Variants in FAT2 observed in about 807,000 individuals in gnomAD.
FAT2 encodes the protein FAT atypical cadherin 2, also known as protocadherin Fat 2.
Under a neutral mutation model 295.3 loss-of-function variants are expected in FAT2, and 150 were observed. The observed-to-expected ratio is 0.51, with a 90% CI of 0.44 to 0.58. FAT2 has a LOEUF of 0.58. Among genes scored for constraint, FAT2 ranks in the 20% least tolerant of loss-of-function variants. FAT2 has a pLI of 0.00. For missense variants in FAT2, 4,868 were observed against 5,442.7 expected (o/e 0.89, Z 3.32); for synonymous variants, 2,026 against 2,150.3 (o/e 0.94, Z 1.60).
rs531409644 is a variant in FAT2 at position 151,505,323 on chromosome 5, T to C, written c.*242A>G. The C allele has an allele frequency of 1.1e-3, 597 of 567,778 alleles. No homozygotes were observed. Among genetic ancestry groups the C allele is most frequent in the Non-Finnish European group, 1.5e-3 (495 of 325,782 alleles). 35.2% of individuals were successfully genotyped at this position (567,778 alleles called of 1,614,324 possible). A position where few individuals can be genotyped will look rare whatever the true frequency, so the allele number is the denominator to read the frequency against. On this transcript the variant is annotated 3_prime_UTR_variant, in exon 24 of 24. Coordinates refer to ENST00000261800, the MANE Select transcript of FAT2 (RefSeq NM_001447.3). ...ATTGTTCCTGGTTTTCCAGGGTCAC[T>C]GCTCTAGAAATGCCCCTCTCCTGGG...
chr5:151,582,866 A>G (rs1759013632), intron 1 of FAT2, among the ~76,000 whole-genome samples: 1 of 151,886 alleles, frequency 6.6e-6, no homozygotes, highest in African/African-American at 2.4e-5. Context: ...TGGTGGGGGG[A>G]ACACTGGCCC....
chr5:151,577,547 A>G (rs78479124), intron 1 of FAT2, among the ~76,000 whole-genome samples: 30 of 152,192 alleles, frequency 2.0e-4, no homozygotes, highest in East Asian at 1.7e-3. Flanking sequence ...GGCAAGGGGT[A>G]GAGCATGGAG....
At chr5:151,530,082 T>C (rs1298483421) in intron 14 of FAT2, among the ~76,000 whole-genome samples, 1 of 152,138 alleles carries the variant, frequency 6.6e-6, no homozygotes, top group Non-Finnish European at 1.5e-5. Flanking sequence ...CAGCCCTTAA[T>C]GAAAAGGTAT....
At chr5:151,537,017 G>T (rs1755390055) in intron 12 of FAT2, among the ~76,000 whole-genome samples, 1 of 152,008 alleles carries the variant, frequency 6.6e-6, no homozygotes, top group South Asian at 2.1e-4. Context: ...CTTACCCCTG[G>T]CTAACACTTC....
chr5:151,587,290 CA>C (rs1759216718), intron 1 of FAT2, among the ~76,000 whole-genome samples: 1 of 152,186 alleles, frequency 6.6e-6, no homozygotes, highest in Admixed American at 6.5e-5. Context: ...ATATATGTGA[CA>C]TTTTTTTGAA....
intron 17 of FAT2, among the ~76,000 whole-genome samples, chr5:151,526,650 A>T (rs1754011002): frequency 6.6e-6 from 1 of 152,214 alleles, no homozygotes; most frequent in African/African-American, 2.4e-5. Context: ...TTCTCAGAAA[A>T]GATATTTTTA....
rs1224833309 is a variant in FAT2, at chr5:151,534,678, G to T, written c.9194-36C>A. 8.9e-6 allele frequency: 14 copies of T among 1,568,066 alleles called. No individual in the cohort carries two copies. In the Admixed American group the frequency reaches 1.3e-4, roughly 15 times the overall value. On this transcript the variant is annotated intron_variant, in intron 12 of 23. Transcript: ENST00000261800. The stretch of plus-strand genomic sequence containing the variant: ...AAATGACAAAAGTTGAGCTTTCTCT[G>T]GGGAAATATTACCCAAGCATGTGCC...
At chr5:151,508,709 C>CAAAA (rs577518222) in intron 22 of FAT2, among the ~76,000 whole-genome samples, 1,519 of 110,094 alleles carry the variant, frequency 0.014, 26 homozygotes, top group African/African-American at 0.047. Flanking sequence ...AACTCCTTCT[C>CAAAA]AAAAAAAAAA....
chr5:151,545,609 C>A lies in FAT2; in HGVS notation c.5518G>T (p.Val1840Phe), dbSNP rs762639703. 15 of 1,613,958 alleles carry A rather than the reference C, an allele frequency of 9.3e-6. No homozygotes were observed. Among genetic ancestry groups the A allele is most frequent in the African/African-American group, 1.3e-5 (1 of 74,898 alleles). The change falls in exon 10 of 24, where the codon GTC becomes TTC. Residue 1840 changes from valine to phenylalanine, a missense_variant. By Grantham distance (50) the Val-to-Phe change is conservative. Around this residue, in one of 5 missense-constraint regions of FAT2, gnomAD observed 3,297 missense variants for 3,669.4 expected, o/e 0.90. Coordinates refer to ENST00000261800, the MANE Select transcript of FAT2 (RefSeq NM_001447.3). ...GGGCTTCCTTGGTCATGGACATAGA[C>A]ACAGAATTGGAAAGAGGGCATGCTC... is the stretch of plus-strand genomic sequence containing the variant. ...YESMPSFQFC[V>F]YVHDQGSPVL...
At chr5:151,520,109 A>G (rs1306294664) in intron 19 of FAT2, among the ~76,000 whole-genome samples, 1 of 152,238 alleles carries the variant, frequency 6.6e-6, no homozygotes, top group African/African-American at 2.4e-5. Flanking sequence ...CCCAGCCTAA[A>G]TCGAGTGGTC....
chr5:151,508,004 A>G lies in FAT2; in HGVS notation c.12060-393T>C, dbSNP rs376748355. ...TGCCCAGTTATAGCAGCCAGGCACC[A>G]ATGTTCCCTGCTGTGCTTCACCAGG... On this transcript the variant is annotated intron_variant, in intron 22 of 23. Coordinates refer to ENST00000261800, the MANE Select transcript of FAT2 (RefSeq NM_001447.3). Among the ~76,000 whole-genome samples, 349 of 152,312 alleles carry G rather than the reference A, an allele frequency of 2.3e-3. 1 individual carries two copies. The highest frequency in any genetic ancestry group is 7.6e-3 in the African/African-American group (315 of 41,576).
Position 151,521,313 on chromosome 5 carries a change from G to A in FAT2, c.11280C>T (p.Thr3760=), listed in dbSNP as rs746356535. 21 of 1,612,970 alleles carry A rather than the reference G, an allele frequency of 1.3e-5. No individual in the cohort carries two copies. The highest frequency in any genetic ancestry group is 3.3e-5 in the Admixed American group (2 of 59,980). ...AGCTCCTCTGCAGGTGGTGCCGCGG[G>A]GTTAGGATGCTGAGCCTGGCGGTGC... ...TYSTARLSIL[T]PRHHLQRSCS... The change falls in exon 19 of 24, where the codon ACC becomes ACT. Residue 3760 remains threonine (T), a synonymous_variant. Transcript: ENST00000261800.
chr5:151,566,597 C>T lies in FAT2; in HGVS notation c.2335G>A (p.Asp779Asn), dbSNP rs200161645. Reference sequence around the variant, plus strand: ...ATGTAGAAATTGGTGGCTTCATAGTCCAAGGGAGCAGCTACAGTGAGCAGC... The same window carrying T: ...ATGTAGAAATTGGTGGCTTCATAGTTCAAGGGAGCAGCTACAGTGAGCAGC... ...TGLLTVAAPL[D>N]YEATNFYILN... The change falls in exon 2 of 24, where the codon GAC (aspartate) becomes AAC (asparagine). Residue 779 changes from aspartate (D) to asparagine (N), a missense_variant. Physicochemically the swap from Asp to Asn is conservative, Grantham distance 23. Coordinates refer to ENST00000261800, the MANE Select transcript of FAT2 (RefSeq NM_001447.3). 2 of 1,614,158 alleles carry T rather than the reference C, an allele frequency of 1.2e-6. No homozygotes were observed. Among genetic ancestry groups the T allele is most frequent in the Non-Finnish European group, 1.7e-6 (2 of 1,180,034 alleles).
In FAT2 at chr5:151,507,618, AG is replaced by A; in HGVS notation, c.12060-8del. 6.8e-7 allele frequency: 1 copy of A among 1,477,038 alleles called. No homozygotes were observed. The highest frequency in any genetic ancestry group is 2.7e-5 in the African/African-American group (1 of 37,102). 91.5% of individuals were successfully genotyped at this position (1,477,038 alleles called of 1,614,324 possible). A position where few individuals can be genotyped will look rare whatever the true frequency, so the allele number is the denominator to read the frequency against. On this transcript the variant is annotated splice_region_variant and splice_polypyrimidine_tract_variant and intron_variant, in intron 22 of 23. Transcript: ENST00000261800. ...CCTCGCCTCCATTTCACACCTGCGG[AG>A]ACAGAGTAGTCAGGGGGCCAAGTCA...
At position 151,530,270 on chromosome 5, in the gene FAT2, G is replaced by A. The variant is rs1289144950; in HGVS notation, c.9812-878C>T. Among the ~76,000 whole-genome samples, 4 of 147,976 alleles carry A rather than the reference G, an allele frequency of 2.7e-5. No homozygotes were observed. The East Asian group carries it at 5.9e-4, about 22-fold the overall frequency. On this transcript the variant is annotated intron_variant, in intron 14 of 23. Coordinates refer to ENST00000261800, the MANE Select transcript of FAT2 (RefSeq NM_001447.3). ...ACACCAGAAAAAAAAAAAAAAGCCAGTTAGCTCTTATGTGCGTCCAGACAT... is the reference window on the plus strand; with the variant it reads ...ACACCAGAAAAAAAAAAAAAAGCCAATTAGCTCTTATGTGCGTCCAGACAT...
rs1268611238 is a variant in FAT2, at chr5:151,507,324, T to C, written c.12347A>G (p.Gln4116Arg). ...AACAGAGGCCTTGCTGGGTTCCGGT[T>C]GGTTGAGGTTGTTGCAGGAGCTGGC... ...LSASSCNNLN[Q>R]PEPSKASVPN... The change falls in exon 23 of 24, where the codon CAA becomes CGA. Residue 4116 changes from glutamine (Q) to arginine (R), a missense_variant. By Grantham distance (43) the Gln-to-Arg change is conservative (BLOSUM62 1). Around this residue, in one of 5 missense-constraint regions of FAT2, gnomAD observed 492 missense variants for 482.6 expected, o/e 1.02. Coordinates refer to ENST00000261800, the MANE Select transcript of FAT2 (RefSeq NM_001447.3). 6.2e-7 allele frequency: 1 copy of C among 1,614,178 alleles called. No individual in the cohort carries two copies. Among genetic ancestry groups the C allele is most frequent in the African/African-American group, 1.3e-5 (1 of 75,044 alleles).
At chr5:151,537,338 GA>G (rs763914570) in intron 12 of FAT2, among the ~76,000 whole-genome samples, 63 of 100,024 alleles carry the variant, frequency 6.3e-4, no homozygotes, top group South Asian at 2.9e-3. Context: ...AGAAAGAAAA[GA>G]AAAGAAAAGA....
chr5:151,531,711 C>G lies in FAT2; in HGVS notation c.9687G>C (p.Glu3229Asp). The change falls in exon 14 of 24, where the codon GAG (glutamate) becomes GAC (aspartate). Residue 3229 changes from glutamate to aspartate, a missense_variant. Glu to Asp is a conservative substitution (Grantham distance 45). Transcript: ENST00000261800. This position sits in a 1 kb window ranked among gnomAD's most constrained non-coding sequence, Gnocchi z 5.7. ...LNTEHSVQVPEDAPPGTEVLQ... is the reference protein window; with the variant it reads ...LNTEHSVQVPDDAPPGTEVLQ... ...GCACCTCCGTGCCAGGTGGGGCGTC[C>G]TCGGGCACCTGCACGCTGTGCTCGG... is the stretch of plus-strand genomic sequence containing the variant. 6.2e-7 allele frequency: 1 copy of G among 1,613,936 alleles called. No homozygotes were observed. Among genetic ancestry groups the G allele is most frequent in the Non-Finnish European group, 8.5e-7 (1 of 1,179,952 alleles).
Position 151,529,105 on chromosome 5 carries a change from C to G in FAT2, c.10026+73G>C. 9 of 1,277,584 alleles carry G rather than the reference C, an allele frequency of 7.0e-6. No individual in the cohort carries two copies. In the South Asian group the frequency reaches 1.1e-4, roughly 15 times the overall value. 79.1% of individuals were successfully genotyped at this position (1,277,584 alleles called of 1,614,324 possible). A position where few individuals can be genotyped will look rare whatever the true frequency, so the allele number is the denominator to read the frequency against. On this transcript the variant is annotated intron_variant, in intron 15 of 23. Coordinates refer to ENST00000261800, the MANE Select transcript of FAT2 (RefSeq NM_001447.3). Reference sequence around the variant, plus strand: ...TAAACTAATCCATGCTCATAGATGGCTGGGTGTGGGGGTGAGATAAGAACC... The same window carrying G: ...TAAACTAATCCATGCTCATAGATGGGTGGGTGTGGGGGTGAGATAAGAACC...
Sources: gnomAD v4.1 joint callset for allele counts (sites outside exome capture counted in the v4.1 genomes callset) on GRCh38, gnomAD v4.1.1 for gene constraint, gnomAD v4.1.1 regional missense constraint, Gnocchi (gnomAD v3.1) non-coding constraint, MANE v1.5 for transcripts, NCBI Gene and HGNC (gene_info 2026-07-23, HGNC 2026-07-21) for gene names.